LRCH1: variants seen among roughly 807,000 people sequenced by gnomAD.
LRCH1 encodes leucine-rich repeat and calponin homology domain-containing protein 1.
In LRCH1, 23 loss-of-function variants were observed where a neutral mutation model predicts 94.9. That is an observed-to-expected ratio of 0.24 (90% CI 0.17 to 0.34). The LOEUF is 0.34. LRCH1 is among the 10% of genes least tolerant of loss of function. The pLI is 1.00. For synonymous variants in LRCH1, 364 were observed against 354.9 expected (o/e 1.03, Z -0.29); for missense variants, 790 against 945.9 (o/e 0.84, Z 2.16).
intron 1 of LRCH1, among the ~76,000 whole-genome samples, chr13:46,584,977 C>T (rs1436987854): frequency 2.0e-5 from 3 of 151,632 alleles, no homozygotes; most frequent in Non-Finnish European, 4.4e-5. Flanking sequence ...TTTCATACAA[C>T]TAAGCAATGA....
chr13:46,708,041 A>T (rs928886975), intron 13 of LRCH1, among the ~76,000 whole-genome samples: 10 of 152,170 alleles, frequency 6.6e-5, no homozygotes, highest in African/African-American at 2.2e-4. Flanking sequence ...TTCATGCTGT[A>T]GACTAGTGGC....
chr13:46,620,518 T>C (rs527288415), intron 1 of LRCH1, among the ~76,000 whole-genome samples: 1 of 151,304 alleles, frequency 6.6e-6, no homozygotes, highest in East Asian at 2.0e-4. Flanking sequence ...TATTCTCCAC[T>C]AGAAACAGGT....
intron 1 of LRCH1, among the ~76,000 whole-genome samples, chr13:46,623,850 A>C: frequency 7.7e-6 from 1 of 129,800 alleles, no homozygotes; most frequent in Non-Finnish European, 1.6e-5. Context: ...TCCTAATGCT[A>C]TCCCTCCCCC....
chr13:46,628,973 A>G (rs1349422347), intron 1 of LRCH1, among the ~76,000 whole-genome samples: 1 of 152,206 alleles, frequency 6.6e-6, no homozygotes, highest in Non-Finnish European at 1.5e-5. Flanking sequence ...TGGTTTATCC[A>G]TATAGTAAGT....
In LRCH1 at chr13:46,669,031, C is replaced by T. The variant is rs1341070736; in HGVS notation, c.454C>T (p.Arg152Ter). The T allele has an allele frequency of 6.2e-7, 1 of 1,613,690 alleles. No homozygotes were observed. Among genetic ancestry groups the T allele is most frequent in the Admixed American group, 1.7e-5 (1 of 59,986 alleles). The part of the protein sequence containing the change: ...LQMLTYLNLS[R>*]NQLSALPACL... ...GTTCTTGTTGTATTGTCTTTGCAGT[C>T]GAAATCAGCTGTCCGCCCTGCCTGC... Residue 152 changes from arginine to a stop codon, truncating the protein, a stop_gained and splice_region_variant, in exon 3 of 20, where the codon CGA (arginine) becomes TGA (stop). Coordinates refer to ENST00000389797, the MANE Select transcript of LRCH1 (RefSeq NM_001164211.2). LOFTEE classifies it high-confidence loss of function.
At chr13:46,595,234 T>C (rs2050546897) in intron 1 of LRCH1, among the ~76,000 whole-genome samples, 1 of 152,130 alleles carries the variant, frequency 6.6e-6, no homozygotes, top group African/African-American at 2.4e-5. Flanking sequence ...TTTTCTTTCT[T>C]TGGTGAACTT....
chr13:46,568,518 G>T lies in LRCH1; in HGVS notation c.307+14815G>T, dbSNP rs76386384. 1.8e-3 allele frequency among the ~76,000 whole-genome samples: 278 copies of T among 152,242 alleles called. 8 individuals carry two copies. The East Asian group carries it at 0.04, about 22-fold the overall frequency. ...TTGAAGGAATTACAATGCTTGGCTG[G>T]TTCTCTTTTTTAACTTTCATGCCAA... is the stretch of plus-strand genomic sequence containing the variant. On this transcript the variant is annotated intron_variant, in intron 1 of 19. Transcript: ENST00000389797.
intron 1 of LRCH1, among the ~76,000 whole-genome samples, chr13:46,603,191 T>C (rs1759642640): frequency 6.6e-6 from 1 of 152,056 alleles, no homozygotes; most frequent in South Asian, 2.1e-4. Flanking sequence ...GCCTCTAATT[T>C]ATTTCTTCTT....
rs773530734 is a variant in LRCH1 at position 46,712,570 on chromosome 13, G to A, written c.1627G>A (p.Ala543Thr). ...PAVSPTTNSTAPFGLKPRSDP... is the reference protein window; with the variant it reads ...PAVSPTTNSTTPFGLKPRSDP... The stretch of plus-strand genomic sequence containing the variant: ...AGTCTCTCCTACCACAAACAGCACA[G>A]CTCCATTTGGCCTGAAGCCTCGATC... The change falls in exon 15 of 20, where the codon GCT (alanine) becomes ACT (threonine). Residue 543 changes from alanine to threonine, a missense_variant. Ala to Thr is a moderately conservative substitution (Grantham distance 58, BLOSUM62 0). Around this residue, in one of 3 missense-constraint regions of LRCH1, gnomAD observed 460 missense variants for 508.9 expected, o/e 0.90. Coordinates refer to ENST00000389797, the MANE Select transcript of LRCH1 (RefSeq NM_001164211.2). The A allele has an allele frequency of 4.7e-5, 76 of 1,613,784 alleles. No homozygotes were observed. Among genetic ancestry groups the A allele is most frequent in the Non-Finnish European group, 6.4e-5 (75 of 1,179,864 alleles).
rs1413518579 is a variant in LRCH1, at chr13:46,743,012, C to T, written c.*1164C>T. On this transcript the variant is annotated 3_prime_UTR_variant, in exon 20 of 20. Transcript: ENST00000389797. ...TTAAAAGGAAAAAAAAGAATTTTAT[C>T]TTAGCCAGAATGTCCCTGGATTCAG... The T allele has an allele frequency of 2.0e-6, 2 of 985,248 alleles. No individual in the cohort carries two copies. Among genetic ancestry groups the T allele is most frequent in the African/African-American group, 3.5e-5 (2 of 57,228 alleles). The allele number at this position is 985,248 out of a possible 1,614,324, so 61.0% of individuals were successfully genotyped here. A position where few individuals can be genotyped will look rare whatever the true frequency, so the allele number is the denominator to read the frequency against.
chr13:46,708,459 A>G (rs1307484247), intron 13 of LRCH1, among the ~76,000 whole-genome samples: 1 of 151,986 alleles, frequency 6.6e-6, no homozygotes, highest in Non-Finnish European at 1.5e-5. Context: ...TTTAGTAGAG[A>G]CAGGGTTTTG....
At chr13:46,627,163 T>C (rs2050960005) in intron 1 of LRCH1, among the ~76,000 whole-genome samples, 1 of 152,218 alleles carries the variant, frequency 6.6e-6, no homozygotes, top group South Asian at 2.1e-4. Context: ...GAAAGATAAT[T>C]GACCAGTGTT....
At chr13:46,709,386 C>A (rs867361151) in intron 13 of LRCH1, among the ~76,000 whole-genome samples, 1 of 152,332 alleles carries the variant, frequency 6.6e-6, no homozygotes, top group Middle Eastern at 3.4e-3. Flanking sequence ...TGAGCTGCAG[C>A]TCTGCACAGG....
chr13:46,676,903 G>A (rs956863612), intron 3 of LRCH1, among the ~76,000 whole-genome samples: 14 of 151,984 alleles, frequency 9.2e-5, no homozygotes, highest in Admixed American at 2.0e-4. Context: ...TTAGCCTCCC[G>A]AGTAGCTGAA....
At chr13:46,554,016 G>A (rs557375776) in intron 1 of LRCH1, among the ~76,000 whole-genome samples, 2 of 152,350 alleles carry the variant, frequency 1.3e-5, no homozygotes, top group African/African-American at 4.8e-5. Context: ...CGCGGGGCTG[G>A]GACTTGCAGG....
chr13:46,664,578 T>C (rs757398250), intron 2 of LRCH1, among the ~76,000 whole-genome samples: 1 of 152,168 alleles, frequency 6.6e-6, no homozygotes. Flanking sequence ...TTCTGTGATA[T>C]TCACACAATA....
At chr13:46,669,255 G>C in intron 3 of LRCH1, 99 bp downstream of exon 3, 4 of 1,438,114 alleles carry the variant, frequency 2.8e-6, no homozygotes, top group Non-Finnish European at 3.8e-6. Context: ...GGACAAGGTA[G>C]AGCCTCTGTT....
chr13:46,661,507 G>A (rs893513963), intron 2 of LRCH1, among the ~76,000 whole-genome samples: 2 of 152,186 alleles, frequency 1.3e-5, no homozygotes, highest in African/African-American at 4.8e-5. Context: ...GCTAGTATTT[G>A]AGTAAAGTAA....
intron 2 of LRCH1, among the ~76,000 whole-genome samples, chr13:46,666,283 AATTTT>A (rs949695540): frequency 2.6e-5 from 4 of 152,194 alleles, no homozygotes; most frequent in African/African-American, 9.7e-5. Context: ...CACAAGCTTA[AATTTT>A]ATTTTATTTT....
Sources: allele counts gnomAD v4.1 joint callset (sites outside exome capture counted in the v4.1 genomes callset), GRCh38; gene constraint gnomAD v4.1.1; regional missense constraint gnomAD v4.1.1; transcripts MANE v1.5; gene names NCBI Gene and HGNC (gene_info 2026-07-23, HGNC 2026-07-21).